The following SCNN1B variants were observed in gnomAD, a reference collection of about 807,000 sequenced individuals.
SCNN1B encodes epithelial sodium channel subunit beta.
In SCNN1B, 46 loss-of-function variants were observed where a neutral mutation model predicts 65.3. The ratio of observed to expected loss-of-function variants is 0.70; its 90% CI spans 0.56 to 0.90. The LOEUF (loss-of-function observed/expected upper bound fraction) is 0.90. Among genes scored for constraint, SCNN1B ranks in the 40% least tolerant of loss-of-function variants. SCNN1B has a pLI of 0.00. For missense variants in SCNN1B, 751 were observed against 830.5 expected (o/e 0.90, Z 1.18); for synonymous variants, 349 against 330.6 (o/e 1.06, Z -0.60).
rs73542318 is a variant in SCNN1B at position 23,295,348 on chromosome 16, T to C, written n.178+11544T>C. Among the ~76,000 whole-genome samples, 1,323 of 151,442 alleles carry C rather than the reference T, an allele frequency of 8.7e-3. 23 individuals carry two copies. The highest frequency in any genetic ancestry group is 0.03 in the African/African-American group (1,242 of 41,252). On this transcript the variant is annotated intron_variant and non_coding_transcript_variant, in intron 2 of 3. Coordinates refer to the SCNN1B transcript ENST00000569789. ...ATCCTCCCACCTCAGCTTTCCCGAG[T>C]AGCTGGAACTGTAGGAGCGTGCCAC...
intron 1 of SCNN1B, among the ~76,000 whole-genome samples, chr16:23,343,110 A>T (rs1433621277): frequency 6.6e-6 from 1 of 152,158 alleles, no homozygotes; most frequent in Non-Finnish European, 1.5e-5. Context: ...AGACCTAATA[A>T]AACTATAAAA....
chr16:23,353,736 T>G (rs938670108), intron 3 of SCNN1B, among the ~76,000 whole-genome samples: 1 of 152,176 alleles, frequency 6.6e-6, no homozygotes, highest in African/African-American at 2.4e-5. Context: ...GATAGGGGCA[T>G]AAATATTGGG....
intron 1 of SCNN1B, among the ~76,000 whole-genome samples, chr16:23,331,710 A>G (rs1260884754): frequency 6.6e-6 from 1 of 152,118 alleles, no homozygotes; most frequent in Non-Finnish European, 1.5e-5. Flanking sequence ...ATATGAATTC[A>G]TTTTAAAATA....
At chr16:23,359,274 C>G (rs886737115) in intron 4 of SCNN1B, 2 of 152,308 alleles carry the variant, frequency 1.3e-5, no homozygotes, top group Non-Finnish European at 2.9e-5. Context: ...AGTAACATCT[C>G]TGAAGTCACA....
At chr16:23,325,922 T>TAAATAAATAA (rs59140961) in intron 1 of SCNN1B, among the ~76,000 whole-genome samples, 13,081 of 147,610 alleles carry the variant, frequency 0.089, 766 homozygotes, top group African/African-American at 0.15. Context: ...AATAAATAAA[T>TAAATAAATAA]ATAAATAAAA....
chr16:23,338,213 C>T (rs1053938532), intron 1 of SCNN1B, among the ~76,000 whole-genome samples: 3 of 152,198 alleles, frequency 2.0e-5, no homozygotes, highest in Non-Finnish European at 2.9e-5. Flanking sequence ...GCTGGGAATG[C>T]ACATAATATT....
intron 4 of SCNN1B, among the ~76,000 whole-genome samples, chr16:23,364,428 G>A (rs152734): frequency 0.048 from 7,304 of 152,240 alleles, 191 homozygotes; most frequent in Middle Eastern, 0.1. Context: ...CATCTAGAGT[G>A]TCGCTGGAGT....
intron 2 of SCNN1B, among the ~76,000 whole-genome samples, chr16:23,287,249 C>T (rs1414438690): frequency 6.6e-6 from 1 of 152,008 alleles, no homozygotes; most frequent in Non-Finnish European, 1.5e-5. Flanking sequence ...AGGTAATCTG[C>T]CTGCCTCAGC....
chr16:23,339,370 G>C (rs1962006817), intron 1 of SCNN1B, among the ~76,000 whole-genome samples: 1 of 151,640 alleles, frequency 6.6e-6, no homozygotes. Context: ...TCCTGGATAA[G>C]TAAAAGTGGA....
intron 2 of SCNN1B, among the ~76,000 whole-genome samples, chr16:23,287,372 C>T (rs16939993): frequency 0.061 from 9,206 of 152,038 alleles, 962 homozygotes; most frequent in African/African-American, 0.21. Context: ...GACTGGGTCT[C>T]GGTTTAAACC....
At chr16:23,291,119 T>C (rs1330044155) in intron 2 of SCNN1B, among the ~76,000 whole-genome samples, 1 of 150,802 alleles carries the variant, frequency 6.6e-6, no homozygotes, top group Non-Finnish European at 1.5e-5. Context: ...TGGAGTGCAA[T>C]GGTGTGATCT....
At chr16:23,343,645 A>AAGAAAGAAAG (rs1555487079) in intron 1 of SCNN1B, among the ~76,000 whole-genome samples, 1 of 130,280 alleles carries the variant, frequency 7.7e-6, no homozygotes, top group Non-Finnish European at 1.6e-5. Context: ...GAAAGAAAGA[A>AAGAAAGAAAG]AGAAAAAAAG....
At chr16:23,315,618 G>A (rs1961437712) in intron 1 of SCNN1B, among the ~76,000 whole-genome samples, 1 of 152,130 alleles carries the variant, frequency 6.6e-6, no homozygotes, top group Non-Finnish European at 1.5e-5. Context: ...AGCCTGCCTG[G>A]GCAACATAGT....
At chr16:23,340,933 T>C (rs1251697926) in intron 1 of SCNN1B, among the ~76,000 whole-genome samples, 2 of 152,138 alleles carry the variant, frequency 1.3e-5, no homozygotes, top group Non-Finnish European at 2.9e-5. Flanking sequence ...TACACATGCA[T>C]GTGTGTCTGA....
intron 7 of SCNN1B, among the ~76,000 whole-genome samples, chr16:23,374,828 C>G (rs1487007937): frequency 6.6e-6 from 1 of 151,786 alleles, no homozygotes; most frequent in Non-Finnish European, 1.5e-5. Flanking sequence ...TAGGGAGGAG[C>G]TGGCCAGGGC....
At chr16:23,360,864 G>A (rs1465811166) in intron 4 of SCNN1B, among the ~76,000 whole-genome samples, 6 of 151,048 alleles carry the variant, frequency 4.0e-5, no homozygotes, top group East Asian at 1.9e-4. Flanking sequence ...GCACTATCTC[G>A]GCTCACCACA....
intron 1 of SCNN1B, among the ~76,000 whole-genome samples, chr16:23,330,748 T>G (rs1323717790): frequency 6.6e-6 from 1 of 152,064 alleles, no homozygotes; most frequent in African/African-American, 2.4e-5. Flanking sequence ...AATTTGTAAA[T>G]TTTTTCTAGA....
At chr16:23,289,488 C>T (rs1960893372) in intron 2 of SCNN1B, among the ~76,000 whole-genome samples, 1 of 151,832 alleles carries the variant, frequency 6.6e-6, no homozygotes, top group Non-Finnish European at 1.5e-5. Context: ...GAGTTTGAGG[C>T]TGCACTGAGC....
rs778349225 is a variant in SCNN1B at position 23,355,288 on chromosome 16, G to A, written c.586-11G>A. 1 of 1,614,066 alleles carries A rather than the reference G, an allele frequency of 6.2e-7. No individual in the cohort carries two copies. Among genetic ancestry groups the A allele is most frequent in the Non-Finnish European group, 8.5e-7 (1 of 1,179,950 alleles). ...CACGCCACCCACAAAAACCCCTCTT[G>A]GCCTCCACAGTGTAGCCTCAACAGG... On this transcript the variant is annotated splice_polypyrimidine_tract_variant and intron_variant, in intron 3 of 12. Coordinates refer to ENST00000343070, the MANE Select transcript of SCNN1B (RefSeq NM_000336.3).
Sources: allele counts gnomAD v4.1 joint callset (sites outside exome capture counted in the v4.1 genomes callset), GRCh38; gene constraint gnomAD v4.1.1; transcripts MANE v1.5; gene names NCBI Gene and HGNC (gene_info 2026-07-23, HGNC 2026-07-21).